CACNA1A: variants seen among roughly 807,000 people sequenced by gnomAD.
CACNA1A encodes the protein calcium voltage-gated channel subunit alpha1 A, also known as voltage-dependent P/Q-type calcium channel subunit alpha-1A.
In CACNA1A, 57 loss-of-function variants were observed where a neutral mutation model predicts 262.4. That is an observed-to-expected ratio of 0.22 (90% CI 0.18 to 0.27). The LOEUF (loss-of-function observed/expected upper bound fraction) is 0.27. Among genes scored for constraint, CACNA1A ranks in the 10% least tolerant of loss-of-function variants. The pLI is 1.00. For missense variants in CACNA1A, 2,526 were observed against 3,562.8 expected (o/e 0.71, Z 7.41); for synonymous variants, 1,431 against 1,419.3 (o/e 1.01, Z -0.18).
At position 13,299,030 on chromosome 19, in the gene CACNA1A, G is replaced by GCCCGAT; in HGVS notation, c.2597_2602dup (p.Asp866_Arg867dup). 6.3e-7 allele frequency: 1 copy of GCCCGAT among 1,593,336 alleles called. No individual in the cohort carries two copies. The highest frequency in any genetic ancestry group is 8.5e-7 in the Non-Finnish European group (1 of 1,175,516). On this transcript the variant is annotated inframe_insertion, in exon 19 of 47. Coordinates refer to ENST00000360228, the MANE Select transcript of CACNA1A (RefSeq NM_001127222.2). The stretch of plus-strand genomic sequence containing the variant: ...GCCCGCCGAGCCGCTGGGGTCCCGG[G>GCCCGAT]CCCGATCGTGGTAGCGGGCCTGTTT...
intron 38 of CACNA1A, among the ~76,000 whole-genome samples, chr19:13,218,331 T>C (rs2055096240): frequency 6.6e-6 from 1 of 152,190 alleles, no homozygotes; most frequent in African/African-American, 2.4e-5. Context: ...GTTTGACCTC[T>C]GGAGGGACTG....
intron 3 of CACNA1A, among the ~76,000 whole-genome samples, chr19:13,444,980 A>G (rs1406380987): frequency 3.3e-5 from 5 of 151,968 alleles, no homozygotes; most frequent in African/African-American, 9.7e-5. Flanking sequence ...TCTACTAAAC[A>G]TACAAAAAAA....
At chr19:13,314,034 G>A (rs924744205) in intron 11 of CACNA1A, among the ~76,000 whole-genome samples, 3 of 152,162 alleles carry the variant, frequency 2.0e-5, no homozygotes, top group Non-Finnish European at 4.4e-5. Flanking sequence ...TCTTTGATGA[G>A]CAAGCATAAA....
chr19:13,252,280 C>T (rs925238562), intron 30 of CACNA1A, among the ~76,000 whole-genome samples: 1 of 151,722 alleles, frequency 6.6e-6, no homozygotes, highest in African/African-American at 2.4e-5. Flanking sequence ...TGCTTTGCTG[C>T]CCAGGCTGGT....
At chr19:13,261,354 T>A in intron 26 of CACNA1A, 96 bp downstream of exon 26, 1 of 1,076,854 alleles carries the variant, frequency 9.3e-7, no homozygotes, top group Non-Finnish European at 1.3e-6. Context: ...TCATCACTTC[T>A]CCAGTCTCTG....
Position 13,346,656 on chromosome 19 carries a change from A to T in CACNA1A, c.979-10747T>A, listed in dbSNP as rs1568557600. 5.8e-3 allele frequency among the ~76,000 whole-genome samples: 32 copies of T among 5,486 alleles called. 3 individuals carry two copies. Among genetic ancestry groups the T allele is most frequent in the Admixed American group, 0.012 (3 of 252 alleles). 3.6% of individuals were successfully genotyped at this position (5,486 alleles called of 152,430 possible). A position where few individuals can be genotyped will look rare whatever the true frequency, so the allele number is the denominator to read the frequency against. On this transcript the variant is annotated intron_variant, in intron 6 of 46. Transcript: ENST00000360228. The stretch of plus-strand genomic sequence containing the variant: ...TATATATATATATATATATATATAT[A>T]TATATATATATTTTTTTTTTTTTTT...
Position 13,214,924 on chromosome 19 carries a change from C to T in CACNA1A, c.5732-316G>A. 3.1e-6 allele frequency: 1 copy of T among 320,516 alleles called. No homozygotes were observed. The highest frequency in any genetic ancestry group is 5.8e-6 in the Non-Finnish European group (1 of 171,198). 19.9% of individuals were successfully genotyped at this position (320,516 alleles called of 1,614,324 possible). A position where few individuals can be genotyped will look rare whatever the true frequency, so the allele number is the denominator to read the frequency against. On this transcript the variant is annotated intron_variant, in intron 38 of 46. Transcript: ENST00000360228. This position sits in a 1 kb window ranked among gnomAD's most constrained non-coding sequence, Gnocchi z 4.1. Reference sequence around the variant, plus strand: ...CGGCTGCATGACTTAGGTTACTCTACCACTTAGTAACTCAGTTTCTCCATC... The same window carrying T: ...CGGCTGCATGACTTAGGTTACTCTATCACTTAGTAACTCAGTTTCTCCATC...
At chr19:13,466,537 C>T (rs1303651259) in intron 1 of CACNA1A, among the ~76,000 whole-genome samples, 1 of 152,070 alleles carries the variant, frequency 6.6e-6, no homozygotes, top group Non-Finnish European at 1.5e-5. Context: ...GTTGGGGTTT[C>T]ACCATGTTGG....
At chr19:13,404,123 TA>T (rs1251823963) in intron 3 of CACNA1A, among the ~76,000 whole-genome samples, 1 of 152,146 alleles carries the variant, frequency 6.6e-6, no homozygotes, top group African/African-American at 2.4e-5. Context: ...TTGACATTTG[TA>T]AAGTGCTCAG....
At chr19:13,261,235 C>G in intron 26 of CACNA1A, 1 of 485,950 alleles carries the variant, frequency 2.1e-6, no homozygotes, top group Non-Finnish European at 3.7e-6. Context: ...AAAGGTCAAT[C>G]AATTTGCTTA....
intron 35 of CACNA1A, among the ~76,000 whole-genome samples, chr19:13,230,794 G>A (rs1600128425): frequency 6.7e-6 from 1 of 150,336 alleles, no homozygotes; most frequent in Non-Finnish European, 1.5e-5. Flanking sequence ...GCAACAGAGT[G>A]AGACTCCATT....
At chr19:13,215,336 TGAGATGGAGTTTCACTC>T (rs2054968555) in intron 38 of CACNA1A, 1 of 121,122 alleles carries the variant, frequency 8.3e-6, no homozygotes, top group Non-Finnish European at 1.7e-5. Context: ...GTTTTTTTTT[TGAGATGGAGTTTCACTC>T]TTGTTGCCCA....
intron 1 of CACNA1A, among the ~76,000 whole-genome samples, chr19:13,500,297 AG>A (rs1982223566): frequency 6.6e-6 from 1 of 152,218 alleles, no homozygotes; most frequent in South Asian, 2.1e-4. Flanking sequence ...GGTGAAGAAC[AG>A]GGTAAAGATC....
intron 3 of CACNA1A, among the ~76,000 whole-genome samples, chr19:13,427,368 C>T (rs542525271): frequency 6.6e-6 from 1 of 152,082 alleles, no homozygotes; most frequent in East Asian, 1.9e-4. Context: ...AGGAGAATCA[C>T]TTGAACCCAG....
intron 6 of CACNA1A, among the ~76,000 whole-genome samples, chr19:13,339,775 A>G (rs868084722): frequency 1.8e-4 from 22 of 122,288 alleles, no homozygotes; most frequent in Middle Eastern, 7.8e-3. Flanking sequence ...GCCATGGATT[A>G]AAAAAAAAAA....
At chr19:13,387,109 G>A (rs1360079949) in intron 3 of CACNA1A, among the ~76,000 whole-genome samples, 5 of 151,922 alleles carry the variant, frequency 3.3e-5, no homozygotes, top group African/African-American at 9.7e-5. Flanking sequence ...GCGCCACCAC[G>A]CCTGGCTAAT....
At chr19:13,393,809 CCTCTCTCT>C (rs150142387) in intron 3 of CACNA1A, among the ~76,000 whole-genome samples, 3,269 of 102,332 alleles carry the variant, frequency 0.032, 129 homozygotes, top group South Asian at 0.1. Context: ...CTCCCTCCTT[CCTCTCTCT>C]CTCTCTCTCT....
intron 31 of CACNA1A, chr19:13,244,916 A>G: frequency 2.0e-6 from 1 of 511,880 alleles, no homozygotes; most frequent in Non-Finnish European, 3.5e-6. Context: ...CTGCATTATT[A>G]ATTCCTAGGC....
chr19:13,390,096 A>G (rs1161806011), intron 3 of CACNA1A, among the ~76,000 whole-genome samples: 2 of 151,866 alleles, frequency 1.3e-5, no homozygotes, highest in Non-Finnish European at 1.5e-5. Flanking sequence ...TACAGGCGGG[A>G]GCCACTATGC....
Sources: gnomAD v4.1 joint callset for allele counts (sites outside exome capture counted in the v4.1 genomes callset) on GRCh38, gnomAD v4.1.1 for gene constraint, Gnocchi (gnomAD v3.1) non-coding constraint, MANE v1.5 for transcripts, NCBI Gene and HGNC (gene_info 2026-07-23, HGNC 2026-07-21) for gene names.